Variants in EML3 observed in about 807,000 individuals in gnomAD.
EML3 encodes the protein echinoderm microtubule-associated protein-like 3.
A neutral mutation model predicts 106.7 loss-of-function variants in EML3; 53 were observed. That is an observed-to-expected ratio of 0.50 (90% CI 0.40 to 0.62). The LOEUF is 0.62. Among genes scored for constraint, EML3 ranks in the 20% least tolerant of loss-of-function variants. The probability of loss-of-function intolerance (pLI) is 0.00; values close to 1 mark genes in which losing one functional copy is unlikely to be tolerated. For synonymous variants in EML3, 499 were observed against 489.6 expected, an observed-to-expected ratio of 1.02 and a Z score of -0.25; for missense variants, 994 against 1,209.1, an observed-to-expected ratio of 0.82 and a Z score of 2.64.
At position 62,610,952 on chromosome 11, in the gene EML3, G is replaced by A. The variant is rs747950409; in HGVS notation, c.493C>T (p.Arg165Trp). ...TTCCTGGAGAGCTTCTGCCGAGGCC[G>A]CTCTGAGGGGGATGAGGAGGAGGAA... ...NSSSSSSPSE[R>W]PRQKLSRKAI... is the part of the protein sequence containing the mutation. The change falls in exon 4 of 22, where the codon CGG becomes TGG. Residue 165 changes from arginine to tryptophan, a missense_variant. Arg to Trp is a moderately radical substitution (Grantham distance 101). Around this residue, in one of 3 missense-constraint regions of EML3, gnomAD observed 269 missense variants for 265.1 expected, o/e 1.01. Transcript: ENST00000394773. 7 of 1,613,634 alleles carry A rather than the reference G, an allele frequency of 4.3e-6. No homozygotes were observed. The highest frequency in any genetic ancestry group is 4.0e-5 in the African/African-American group (3 of 74,914).
rs369202091 is a variant in EML3, at chr11:62,609,392, C to T, written c.720G>A (p.Pro240=). The change falls in exon 6 of 22, where the codon CCG becomes CCA. Residue 240 remains proline, a synonymous_variant. Coordinates refer to ENST00000394773, the MANE Select transcript of EML3 (RefSeq NM_153265.3). ...TGAGGGTCTCTGGCGGTGGGCCACT[C>T]GGCAGCTCCTCAAGGCTGCGGATGC... The part of the protein sequence containing the change: ...PSGIRSLEEL[P]SGPPPETLSL... 1.9e-6 allele frequency: 3 copies of T among 1,597,646 alleles called. No homozygotes were observed. The highest frequency in any genetic ancestry group is 2.6e-6 in the Non-Finnish European group (3 of 1,171,680).
chr11:62,604,658 T>C (rs1041953216), intron 16 of EML3: 5 of 211,874 alleles, frequency 2.4e-5, no homozygotes, highest in Non-Finnish European at 3.9e-5. Context: ...ATTACAGGCG[T>C]GAGCCACCGC....
intron 9 of EML3, 58 bp downstream of exon 9, chr11:62,608,484 T>C: frequency 6.5e-7 from 1 of 1,544,046 alleles, no homozygotes; most frequent in Non-Finnish European, 8.9e-7. Context: ...CCTGGTGACA[T>C]GCAAGAGTGG....
Position 62,603,941 on chromosome 11 carries a change from C to T in EML3, c.2169+3G>A. ...GCCCCACCACACACCCCAACTTCCT[C>T]ACCATACAGCGGCCAAAGCGGCTGG... On this transcript the variant is annotated splice_donor_region_variant and intron_variant, in intron 18 of 21. Coordinates refer to ENST00000394773, the MANE Select transcript of EML3 (RefSeq NM_153265.3). 1.2e-5 allele frequency: 20 copies of T among 1,614,028 alleles called. No homozygotes were observed. The highest frequency in any genetic ancestry group is 1.7e-5 in the Non-Finnish European group (20 of 1,180,018).
intron 4 of EML3, 93 bp from the exon 5 acceptor site, chr11:62,609,789 A>G: frequency 9.2e-7 from 1 of 1,088,198 alleles, no homozygotes; most frequent in Non-Finnish European, 1.3e-6. Flanking sequence ...CACTGCAGAA[A>G]CCACAGTCAC....
At position 62,609,703 on chromosome 11, in the gene EML3, G is replaced by A. The variant is rs781663394; in HGVS notation, c.567-7C>T. The A allele has an allele frequency of 2.3e-5, 36 of 1,593,510 alleles. No individual in the cohort carries two copies. Among genetic ancestry groups the A allele is most frequent in the Non-Finnish European group, 3.0e-5 (35 of 1,171,254 alleles). ...GGGGTCTTTTCCCCCACGGCTGTTGGGAAGAGAGAAAGCACAGGGATTGGG... is the reference window on the plus strand; with the variant it reads ...GGGGTCTTTTCCCCCACGGCTGTTGAGAAGAGAGAAAGCACAGGGATTGGG... On this transcript the variant is annotated splice_polypyrimidine_tract_variant and splice_region_variant and intron_variant, in intron 4 of 21. Transcript: ENST00000394773.
rs765447913 is a variant in EML3 at position 62,610,989 on chromosome 11, C to T, written c.456G>A (p.Pro152=). 4.3e-6 allele frequency: 7 copies of T among 1,613,164 alleles called. No individual in the cohort carries two copies. The highest frequency in any genetic ancestry group is 3.3e-5 in the Admixed American group (2 of 59,942). The part of the protein sequence containing the change: ...PLQPPQRADT[P]RRNSSSSSSP... ...ATGAGGAGGAGGAAGAATTTCTTCG[C>T]GGCCTGGTGGGGGCATAGTGAAGGT... is the stretch of plus-strand genomic sequence containing the variant. The change falls in exon 4 of 22, where the codon CCG becomes CCA. Residue 152 remains proline (P), a synonymous_variant. Transcript: ENST00000394773.
At chr11:62,607,203 T>A in intron 11 of EML3, 104 bp from the exon 12 acceptor site, 1 of 1,450,396 alleles carries the variant, frequency 6.9e-7, no homozygotes, top group Non-Finnish European at 9.3e-7. Flanking sequence ...ATCCCAGCAC[T>A]TTGGGAGGCC....
chr11:62,612,721 C>G lies in EML3; in HGVS notation c.-264G>C, dbSNP rs965802450. The G allele has an allele frequency of 2.3e-5, 5 of 219,332 alleles. No homozygotes were observed. Among genetic ancestry groups the G allele is most frequent in the South Asian group, 1.6e-4 (1 of 6,336 alleles). 13.6% of individuals were successfully genotyped at this position (219,332 alleles called of 1,614,324 possible). A position where few individuals can be genotyped will look rare whatever the true frequency, so the allele number is the denominator to read the frequency against. ...CCGGGGGTGGGGTGGCAGGGCCGTC[C>G]GGTGCCACAGCGCCGCAGCACAAAC... On this transcript the variant is annotated 5_prime_UTR_variant, in exon 1 of 22. Coordinates refer to ENST00000394773, the MANE Select transcript of EML3 (RefSeq NM_153265.3).
Position 62,608,573 on chromosome 11 carries a change from C to T in EML3, c.1079G>A (p.Arg360Gln), listed in dbSNP as rs554043030. ...LQEIGLGAFE[R>Q]GVGALAFSAA... ...TGAAAAGGCCAGGGCCCCAACACCC[C>T]GCTCGAAGGCCCCCAGTCCAATCTC... is the stretch of plus-strand genomic sequence containing the variant. Residue 360 changes from arginine to glutamine, a missense_variant, in exon 9 of 22, where the codon CGG (arginine) becomes CAG (glutamine). Arg to Gln is a conservative substitution (Grantham distance 43). Transcript: ENST00000394773. 6 of 1,614,098 alleles carry T rather than the reference C, an allele frequency of 3.7e-6. No individual in the cohort carries two copies. Among genetic ancestry groups the T allele is most frequent in the Admixed American group, 1.7e-5 (1 of 60,008 alleles).
chr11:62,605,969 G>A lies in EML3; in HGVS notation c.1668C>T (p.His556=). The A allele has an allele frequency of 1.2e-6, 2 of 1,614,114 alleles. No homozygotes were observed. The highest frequency in any genetic ancestry group is 1.1e-5 in the South Asian group (1 of 91,080). Residue 556 remains histidine, a synonymous_variant, in exon 14 of 22, where the codon CAC becomes CAT. Coordinates refer to ENST00000394773, the MANE Select transcript of EML3 (RefSeq NM_153265.3). The surrounding 1 kb of genome is among the most constrained non-coding windows in gnomAD (Gnocchi z 5.2). ...VALQEAEIPE[H]FGAVRAIAEG... is the part of the protein sequence containing the mutation. ...CAGCAATGGCTCGCACGGCCCCGAA[G>A]TGCTCGGGAATCTGCAGAGTGGTAG...
At position 62,609,175 on chromosome 11, in the gene EML3, CAGG is replaced by C. The variant is rs1378302244; in HGVS notation, c.759-46_759-44del. On this transcript the variant is annotated intron_variant, in intron 6 of 21. Transcript: ENST00000394773. The stretch of plus-strand genomic sequence containing the variant: ...GTCAAGGAAAGGGTTAGATCAAGGG[CAGG>C]AGGAGGAAGAGGGGAGAAAGACAGA... 2.5e-6 allele frequency: 4 copies of C among 1,609,364 alleles called. No homozygotes were observed. In the Admixed American group the frequency reaches 5.0e-5, roughly 20 times the overall value.
Position 62,612,611 on chromosome 11 carries a change from G to A in EML3, c.-154C>T, listed in dbSNP as rs1252514529. 4.5e-6 allele frequency: 3 copies of A among 665,824 alleles called. No homozygotes were observed. The highest frequency in any genetic ancestry group is 3.8e-5 in the African/African-American group (2 of 52,012). The allele number at this position is 665,824 out of a possible 1,614,324, so 41.2% of individuals were successfully genotyped here. ...GGGGCGCTGTCGGGCGCGGGGAAGG[G>A]GCCTGGAGGGGGCGCTGTGGGCCCG... On this transcript the variant is annotated 5_prime_UTR_variant, in exon 1 of 22. Transcript: ENST00000394773.
chr11:62,605,735 G>T lies in EML3; in HGVS notation c.1821C>A (p.Pro607=). Residue 607 remains proline, a synonymous_variant, in exon 15 of 22, where the codon CCC becomes CCA. Coordinates refer to ENST00000394773, the MANE Select transcript of EML3 (RefSeq NM_153265.3). The surrounding 1 kb of genome is among the most constrained non-coding windows in gnomAD (Gnocchi z 5.2). ...CGCAGGTGAGGAAGCGGTTCTGGGA[G>T]GGGTGTGTGCAGAGCCCCCAGAGCT... ...TDELWGLCTH[P]SQNRFLTCGH... 6.2e-7 allele frequency: 1 copy of T among 1,600,214 alleles called. No homozygotes were observed. Among genetic ancestry groups the T allele is most frequent in the Non-Finnish European group, 8.5e-7 (1 of 1,172,682 alleles).
At chr11:62,604,500 C>T (rs1942414966) in intron 16 of EML3, among the ~76,000 whole-genome samples, 1 of 152,120 alleles carries the variant, frequency 6.6e-6, no homozygotes, top group Non-Finnish European at 1.5e-5. Flanking sequence ...GCCTCAGCCT[C>T]CTGAGTAGCT....
chr11:62,607,219 G>A (rs1417807115), intron 11 of EML3, 120 bp from the exon 12 acceptor site: 21 of 1,310,766 alleles, frequency 1.6e-5, no homozygotes, highest in African/African-American at 1.3e-4. Context: ...AGGCCAAGGC[G>A]GGCGGGTCAC....
rs758790335 is a variant in EML3 at position 62,610,914 on chromosome 11, G to A, written c.531C>T (p.Ser177=). ...RQKLSRKAIS[S]ANLLVRSGST... is the part of the protein sequence containing the mutation. Reference sequence around the variant, plus strand: ...TCCCGGACCGCACTAACAGGTTGGCGGAGGAGATTGCCTTCCTGGAGAGCT... The same window carrying A: ...TCCCGGACCGCACTAACAGGTTGGCAGAGGAGATTGCCTTCCTGGAGAGCT... The change falls in exon 4 of 22, where the codon TCC becomes TCT. Residue 177 remains serine (S), a synonymous_variant. Transcript: ENST00000394773. The A allele has an allele frequency of 3.7e-6, 6 of 1,612,972 alleles. No homozygotes were observed. The highest frequency in any genetic ancestry group is 2.2e-5 in the South Asian group (2 of 91,056).
chr11:62,607,230 C>T (rs1942573322), intron 11 of EML3, 131 bp from the exon 12 acceptor site: 5 of 1,137,508 alleles, frequency 4.4e-6, no homozygotes, highest in Non-Finnish European at 6.2e-6. Flanking sequence ...GGCGGGTCAC[C>T]TGAGGCCAGG....
In EML3 at chr11:62,611,546, C is replaced by A; in HGVS notation, c.73G>T (p.Val25Leu). 5 of 1,613,764 alleles carry A rather than the reference C, an allele frequency of 3.1e-6. No homozygotes were observed. The highest frequency in any genetic ancestry group is 4.2e-6 in the Non-Finnish European group (5 of 1,179,996). Residue 25 changes from valine to leucine, a missense_variant, in exon 2 of 22, where the codon GTG becomes TTG. Coordinates refer to ENST00000394773, the MANE Select transcript of EML3 (RefSeq NM_153265.3). ...ACCAGTTCCATCTCCTGCTCCTGCA[C>A]CCGAAGCCGCTGGCTCAGAGACTGG... Reference protein sequence around the residue: ...ALQSLSQRLRVQEQEMELVKA... With the variant: ...ALQSLSQRLRLQEQEMELVKA...
Sources: allele counts gnomAD v4.1 joint callset (sites outside exome capture counted in the v4.1 genomes callset), GRCh38; gene constraint gnomAD v4.1.1; regional missense constraint gnomAD v4.1.1; non-coding constraint Gnocchi (gnomAD v3.1); transcripts MANE v1.5; gene names NCBI Gene and HGNC (gene_info 2026-07-23, HGNC 2026-07-21).